The following FBXL19 variants were observed in gnomAD, a reference collection of about 807,000 sequenced individuals.
The protein encoded by FBXL19 is F-box and leucine rich repeat protein 19, also known as F-box/LRR-repeat protein 19.
Under a neutral mutation model 71.2 loss-of-function variants are expected in FBXL19, and 16 were observed. The ratio of observed to expected loss-of-function variants is 0.22; its 90% CI spans 0.15 to 0.34. FBXL19 has a LOEUF of 0.34. FBXL19 is among the 10% of genes least tolerant of loss of function. The probability of loss-of-function intolerance (pLI) is 1.00; values close to 1 mark genes in which losing one functional copy is unlikely to be tolerated. For synonymous variants in FBXL19, 447 were observed against 409.4 expected (o/e 1.09, Z -1.11); for missense variants, 658 against 968.2 (o/e 0.68, Z 4.25).
chr16:30,925,466 CCTG>C lies in FBXL19; in HGVS notation c.-24-262_-24-260del, dbSNP rs2055580112. On this transcript the variant is annotated intron_variant, in intron 1 of 10. Transcript: ENST00000338343. The surrounding 1 kb of genome is among the most constrained non-coding windows in gnomAD (Gnocchi z 5.0). ...AGAGGAGAGGGCCTCGGTGTCCCCT[CCTG>C]CTCCCTGGGCTAGGGAAGGGACCCT... 6.6e-6 allele frequency among the ~76,000 whole-genome samples: 1 copy of C among 152,114 alleles called. No individual in the cohort carries two copies. Among genetic ancestry groups the C allele is most frequent in the Non-Finnish European group, 1.5e-5 (1 of 67,996 alleles).
At position 30,929,983 on chromosome 16, in the gene FBXL19, G is replaced by A. The variant is rs2055650327; in HGVS notation, c.790-90G>A. ...GGCTGGAACTCAGGACTGTCCCTCG[G>A]GCTGTTCATCCCCTGGTGACTCCTC... On this transcript the variant is annotated intron_variant, in intron 6 of 10. Transcript: ENST00000338343. 8.6e-6 allele frequency: 13 copies of A among 1,505,564 alleles called. No homozygotes were observed. In the Admixed American group the frequency reaches 1.4e-4, roughly 16 times the overall value. The allele number at this position is 1,505,564 out of a possible 1,614,324, so 93.3% of individuals were successfully genotyped here.
At chr16:30,934,808 C>T (rs1379379266) in intron 7 of FBXL19, among the ~76,000 whole-genome samples, 1 of 152,192 alleles carries the variant, frequency 6.6e-6, no homozygotes, top group Non-Finnish European at 1.5e-5. Flanking sequence ...AGGTAAAGAG[C>T]TCAGATGACT....
At chr16:30,933,092 C>A (rs2055693329) in intron 7 of FBXL19, among the ~76,000 whole-genome samples, 2 of 152,000 alleles carry the variant, frequency 1.3e-5, no homozygotes, top group Non-Finnish European at 2.9e-5. Context: ...CCTCCACCTC[C>A]CAGGTTCAAG....
At chr16:30,938,665 C>T (rs945648570) in intron 7 of FBXL19, among the ~76,000 whole-genome samples, 3 of 152,118 alleles carry the variant, frequency 2.0e-5, no homozygotes, top group Non-Finnish European at 4.4e-5. Flanking sequence ...GAGATGGAGT[C>T]TTGCTCTGTC....
At position 30,947,932 on chromosome 16, in the gene FBXL19, C is replaced by T. The variant is rs2055880013; in HGVS notation, c.*702C>T. ...GCAAGGAGTGGGGGCCGCGGGCAGC[C>T]GCTCTTCAGCTCGCGGCCCAGGGGA... On this transcript the variant is annotated 3_prime_UTR_variant, in exon 11 of 11. Transcript: ENST00000338343. 3 of 449,738 alleles carry T rather than the reference C, an allele frequency of 6.7e-6. No individual in the cohort carries two copies. Among genetic ancestry groups the T allele is most frequent in the Non-Finnish European group, 1.3e-5 (3 of 223,698 alleles). The allele number at this position is 449,738 out of a possible 1,614,324, so 27.9% of individuals were successfully genotyped here.
At position 30,928,034 on chromosome 16, in the gene FBXL19, TG is replaced by T. The variant is rs977612703; in HGVS notation, c.627+75del. ...GGAGCTGTAGTCCTGGCTGGTTCTG[TG>T]GGGCTGTGTGGGCCTGGGAGCGTGC... is the stretch of plus-strand genomic sequence containing the variant. On this transcript the variant is annotated intron_variant, in intron 5 of 10. Transcript: ENST00000338343. 8 of 1,047,746 alleles carry T rather than the reference TG, an allele frequency of 7.6e-6. No homozygotes were observed. The African/African-American group carries it at 9.8e-5, about 13-fold the overall frequency. 64.9% of individuals were successfully genotyped at this position (1,047,746 alleles called of 1,614,324 possible).
In FBXL19 at chr16:30,948,055, C is replaced by T. The variant is rs1430700226; in HGVS notation, c.*825C>T. ...TACTTGAACCGGGGGAATCTCGGAC[C>T]TGGGGGAGCCGGGGTGTGAGGGGAC... is the stretch of plus-strand genomic sequence containing the variant. On this transcript the variant is annotated 3_prime_UTR_variant, in exon 11 of 11. Transcript: ENST00000338343. The T allele has an allele frequency of 1.7e-5, 5 of 290,060 alleles. No individual in the cohort carries two copies. Among genetic ancestry groups the T allele is most frequent in the South Asian group, 1.1e-4 (4 of 36,548 alleles). 18.0% of individuals were successfully genotyped at this position (290,060 alleles called of 1,614,324 possible). A position where few individuals can be genotyped will look rare whatever the true frequency, so the allele number is the denominator to read the frequency against.
intron 7 of FBXL19, among the ~76,000 whole-genome samples, chr16:30,940,442 C>T (rs1794160833): frequency 6.6e-6 from 1 of 151,744 alleles, no homozygotes; most frequent in Admixed American, 6.6e-5. Flanking sequence ...AAAAAGCTTC[C>T]TGGGCCTGCT....
At chr16:30,924,596 T>A (rs750080897) in intron 1 of FBXL19, 137 bp downstream of exon 1, 13 of 1,358,486 alleles carry the variant, frequency 9.6e-6, no homozygotes, top group African/African-American at 1.5e-5. Context: ...CAGCCCTCCT[T>A]CCTATGACCT....
chr16:30,935,966 G>C (rs2055728043), intron 7 of FBXL19, among the ~76,000 whole-genome samples: 1 of 152,116 alleles, frequency 6.6e-6, no homozygotes, highest in Non-Finnish European at 1.5e-5. Context: ...GTGGCTCCCT[G>C]TCGCCCTCAC....
At chr16:30,931,588 T>C (rs2055674420) in intron 7 of FBXL19, among the ~76,000 whole-genome samples, 2 of 152,188 alleles carry the variant, frequency 1.3e-5, no homozygotes, top group African/African-American at 2.4e-5. Context: ...ACAGTACAAG[T>C]TCATGGCTGA....
chr16:30,938,642 T>C (rs1159900519), intron 7 of FBXL19, among the ~76,000 whole-genome samples: 2 of 152,126 alleles, frequency 1.3e-5, no homozygotes, highest in Non-Finnish European at 2.9e-5. Flanking sequence ...ATCGGGTGCT[T>C]TTTTTCTTTT....
At chr16:30,945,655 T>TC in intron 9 of FBXL19, among the ~76,000 whole-genome samples, 1 of 128,522 alleles carries the variant, frequency 7.8e-6, no homozygotes, top group Admixed American at 8.5e-5. Context: ...AGAGTGAGAC[T>TC]CCATCTCAAA....
At chr16:30,936,239 C>T (rs1292755702) in intron 7 of FBXL19, among the ~76,000 whole-genome samples, 1 of 152,172 alleles carries the variant, frequency 6.6e-6, no homozygotes, top group Admixed American at 6.5e-5. Context: ...GGCTCTGTGA[C>T]CATGATAGTC....
chr16:30,942,603 C>T lies in FBXL19; in HGVS notation c.1627+67C>T, dbSNP rs1396238681. On this transcript the variant is annotated intron_variant, in intron 9 of 10. Transcript: ENST00000338343. The surrounding 1 kb of genome is among the most constrained non-coding windows in gnomAD (Gnocchi z 5.7). ...GGGTAGGGTAGGAGGCCTCTCAGGT[C>T]TCTTCTGACTCATGCTGGATGGTAA... The T allele has an allele frequency of 1.4e-6, 2 of 1,462,614 alleles. No individual in the cohort carries two copies. Among genetic ancestry groups the T allele is most frequent in the Admixed American group, 2.6e-5 (1 of 39,192 alleles). The allele number at this position is 1,462,614 out of a possible 1,614,324, so 90.6% of individuals were successfully genotyped here. A position where few individuals can be genotyped will look rare whatever the true frequency, so the allele number is the denominator to read the frequency against.
In FBXL19 at chr16:30,930,659, T is replaced by C. The variant is rs1329665286; in HGVS notation, c.1301+75T>C. On this transcript the variant is annotated intron_variant, in intron 7 of 10. Coordinates refer to ENST00000338343, the MANE Select transcript of FBXL19 (RefSeq NM_001382779.1). This position sits in a 1 kb window ranked among gnomAD's most constrained non-coding sequence, Gnocchi z 8.5. ...TGCTGGGTGACCTGCGGTAGGTCTCTGGCCCTCTCTGGGCCTTGCTTTTAT... is the reference window on the plus strand; with the variant it reads ...TGCTGGGTGACCTGCGGTAGGTCTCCGGCCCTCTCTGGGCCTTGCTTTTAT... The C allele has an allele frequency of 1.5e-6, 2 of 1,378,204 alleles. No individual in the cohort carries two copies. The highest frequency in any genetic ancestry group is 3.3e-5 in the Admixed American group (1 of 30,086). The allele number at this position is 1,378,204 out of a possible 1,614,324, so 85.4% of individuals were successfully genotyped here. A position where few individuals can be genotyped will look rare whatever the true frequency, so the allele number is the denominator to read the frequency against.
intron 1 of FBXL19, 39 bp downstream of exon 1, chr16:30,924,498 C>A: frequency 1.5e-6 from 1 of 681,272 alleles, no homozygotes; most frequent in Non-Finnish European, 2.1e-6. Context: ...CAGACCTGGG[C>A]AGCGCCCACT....
Position 30,925,953 on chromosome 16 carries a change from G to A in FBXL19, c.177+22G>A, listed in dbSNP as rs369813302. 1.4e-4 allele frequency: 205 copies of A among 1,469,348 alleles called. No homozygotes were observed. The highest frequency in any genetic ancestry group is 1.8e-4 in the Non-Finnish European group (201 of 1,114,446). 91.0% of individuals were successfully genotyped at this position (1,469,348 alleles called of 1,614,324 possible). ...TGCCGTGAGTTCTGCCCCCACCTTT[G>A]GGCTCTGCCCACCCTTCCCAATACC... On this transcript the variant is annotated intron_variant, in intron 2 of 10. Transcript: ENST00000338343. The surrounding 1 kb of genome is among the most constrained non-coding windows in gnomAD (Gnocchi z 5.0).
intron 7 of FBXL19, among the ~76,000 whole-genome samples, chr16:30,938,330 C>T (rs1046601799): frequency 2.0e-5 from 3 of 151,956 alleles, no homozygotes; most frequent in Non-Finnish European, 4.4e-5. Context: ...GCTTGGGCAA[C>T]ATAGTGAGAC....
Sources: gnomAD v4.1 joint callset for allele counts (sites outside exome capture counted in the v4.1 genomes callset) on GRCh38, gnomAD v4.1.1 for gene constraint, Gnocchi (gnomAD v3.1) non-coding constraint, MANE v1.5 for transcripts, NCBI Gene and HGNC (gene_info 2026-07-23, HGNC 2026-07-21) for gene names.